CNTN4: variants seen among roughly 807,000 people sequenced by gnomAD.
CNTN4 encodes contactin 4, also known as contactin-4.
CNTN4 carries 77 observed loss-of-function variants against 122.5 expected under a neutral mutation model. The ratio of observed to expected loss-of-function variants is 0.63; its 90% CI spans 0.52 to 0.76. The LOEUF (loss-of-function observed/expected upper bound fraction) is 0.76. Among genes scored for constraint, CNTN4 ranks in the 30% least tolerant of loss-of-function variants. CNTN4 has a pLI of 0.00. For missense variants in CNTN4, 1,256 were observed against 1,259.1 expected (o/e 1.00, Z 0.04); for synonymous variants, 512 against 447.0 (o/e 1.15, Z -1.83).
intron 7 of CNTN4, among the ~76,000 whole-genome samples, chr3:2,834,198 AAAAT>A (rs1357359346): frequency 3.9e-5 from 6 of 152,122 alleles, no homozygotes; most frequent in African/African-American, 1.2e-4. Context: ...TTTTGTTAAA[AAAAT>A]AAAGAAAGCA....
chr3:2,294,087 G>T (rs2042222383), intron 2 of CNTN4, among the ~76,000 whole-genome samples: 1 of 152,200 alleles, frequency 6.6e-6, no homozygotes, highest in Non-Finnish European at 1.5e-5. Flanking sequence ...TCCCATGGTG[G>T]TGAGGCAGGC....
chr3:2,170,113 A>C (rs1389155800), intron 2 of CNTN4, among the ~76,000 whole-genome samples: 1 of 151,888 alleles, frequency 6.6e-6, no homozygotes, highest in Non-Finnish European at 1.5e-5. Flanking sequence ...CAAGGTCAGG[A>C]GATCGAGACC....
intron 2 of CNTN4, among the ~76,000 whole-genome samples, chr3:2,300,864 T>C (rs9813565): frequency 0.12 from 18,855 of 151,976 alleles, 1,525 homozygotes; most frequent in East Asian, 0.48. Context: ...CCACCGTGCC[T>C]GGCCGATCCT....
intron 2 of CNTN4, among the ~76,000 whole-genome samples, chr3:2,232,525 G>T (rs955046472): frequency 2.1e-4 from 32 of 152,012 alleles, no homozygotes; most frequent in African/African-American, 7.5e-4. Context: ...CCCTATTTTG[G>T]TAGCTATTCT....
At chr3:2,572,925 A>G (rs1339831816) in intron 4 of CNTN4, among the ~76,000 whole-genome samples, 12 of 152,208 alleles carry the variant, frequency 7.9e-5, no homozygotes. Context: ...ATGCTAGGCA[A>G]TATGCTAAGC....
At chr3:2,560,620 A>C (rs2078911103) in intron 3 of CNTN4, among the ~76,000 whole-genome samples, 1 of 152,236 alleles carries the variant, frequency 6.6e-6, no homozygotes. Context: ...CTGGAGGATC[A>C]GAAATAACTT....
chr3:2,378,697 C>G (rs374888158), intron 3 of CNTN4, among the ~76,000 whole-genome samples: 1 of 151,832 alleles, frequency 6.6e-6, no homozygotes, highest in African/African-American at 2.4e-5. Flanking sequence ...CCAGATCTAA[C>G]TAAAACACAT....
intron 4 of CNTN4, among the ~76,000 whole-genome samples, chr3:2,618,504 G>A (rs944610133): frequency 5.9e-5 from 9 of 152,178 alleles, no homozygotes; most frequent in African/African-American, 2.2e-4. Context: ...ATATGTACAT[G>A]TATATACACA....
At chr3:2,623,058 G>A (rs376291428) in intron 4 of CNTN4, among the ~76,000 whole-genome samples, 5 of 152,150 alleles carry the variant, frequency 3.3e-5, no homozygotes, top group Non-Finnish European at 5.9e-5. Context: ...GCTGTGTTGT[G>A]GGGGCATATT....
chr3:2,377,367 A>G (rs773313212), intron 3 of CNTN4, among the ~76,000 whole-genome samples: 1 of 152,170 alleles, frequency 6.6e-6, no homozygotes, highest in African/African-American at 2.4e-5. Context: ...TAATAGAATG[A>G]CTGGCCATGC....
intron 3 of CNTN4, among the ~76,000 whole-genome samples, chr3:2,498,361 C>T (rs1453123705): frequency 6.6e-6 from 1 of 152,184 alleles, no homozygotes; most frequent in African/African-American, 2.4e-5. Context: ...CAGAGTGTCT[C>T]TATCATTTTA....
intron 10 of CNTN4, among the ~76,000 whole-genome samples, chr3:2,895,026 G>A (rs2094091239): frequency 6.6e-6 from 1 of 152,068 alleles, no homozygotes; most frequent in Non-Finnish European, 1.5e-5. Context: ...TCGAGACAGG[G>A]TCTTGCTCTG....
At chr3:2,314,217 G>GTTAAATATGA (rs2043014912) in intron 2 of CNTN4, among the ~76,000 whole-genome samples, 1 of 151,822 alleles carries the variant, frequency 6.6e-6, no homozygotes, top group African/African-American at 2.4e-5. Context: ...AAATGGGAAG[G>GTTAAATATGA]TTAAATATGA....
intron 4 of CNTN4, among the ~76,000 whole-genome samples, chr3:2,720,819 T>C (rs4544594): frequency 0.95 from 145,129 of 152,286 alleles, 69,216 homozygotes; most frequent in Non-Finnish European, 0.97. Flanking sequence ...ATTTAACACT[T>C]ACATCCTATA....
At position 2,389,680 on chromosome 3, in the gene CNTN4, C is replaced by T. The variant is rs116741319; in HGVS notation, c.-89+50447C>T. 6.4e-3 allele frequency among the ~76,000 whole-genome samples: 979 copies of T among 152,066 alleles called. 9 individuals are homozygous for T. Among genetic ancestry groups the T allele is most frequent in the African/African-American group, 0.023 (941 of 41,472 alleles). ...TATCTATCTCCTTCATTGATGTATCCCCATTGCCTAGAAAGGGAAGAACAG... is the reference window on the plus strand; with the variant it reads ...TATCTATCTCCTTCATTGATGTATCTCCATTGCCTAGAAAGGGAAGAACAG... On this transcript the variant is annotated intron_variant, in intron 3 of 24. Transcript: ENST00000418658.
intron 6 of CNTN4, among the ~76,000 whole-genome samples, chr3:2,798,856 C>T (rs188090290): frequency 6.6e-6 from 1 of 152,118 alleles, no homozygotes; most frequent in Non-Finnish European, 1.5e-5. Flanking sequence ...GATTATATAC[C>T]CGGTAGTGGG....
chr3:3,028,563 C>A (rs1698919061), intron 15 of CNTN4, among the ~76,000 whole-genome samples: 1 of 152,128 alleles, frequency 6.6e-6, no homozygotes, highest in South Asian at 2.1e-4. Context: ...GACATTTAAG[C>A]CCTTCATGAA....
chr3:2,876,328 G>A (rs1412647684), intron 8 of CNTN4, among the ~76,000 whole-genome samples: 1 of 152,086 alleles, frequency 6.6e-6, no homozygotes, highest in African/African-American at 2.4e-5. Flanking sequence ...TTTTCAAAAG[G>A]GCAAAATGGT....
At chr3:2,759,316 C>G (rs529204714) in intron 6 of CNTN4, among the ~76,000 whole-genome samples, 1 of 151,968 alleles carries the variant, frequency 6.6e-6, no homozygotes, top group South Asian at 2.1e-4. Flanking sequence ...CCACCACGCC[C>G]GGCTAATTTT....
Sources: gnomAD v4.1 joint callset for allele counts (sites outside exome capture counted in the v4.1 genomes callset) on GRCh38, gnomAD v4.1.1 for gene constraint, MANE v1.5 for transcripts, NCBI Gene and HGNC (gene_info 2026-07-23, HGNC 2026-07-21) for gene names.